KANK1: variants seen among roughly 807,000 people sequenced by gnomAD.
KANK1 encodes the protein KN motif and ankyrin repeat domain-containing protein 1.
A neutral mutation model predicts 106.2 loss-of-function variants in KANK1; 109 were observed. That is an observed-to-expected ratio of 1.03 (90% CI 0.88 to 1.20). The LOEUF is 1.20. Ranked by LOEUF, KANK1 falls within the 50% of genes most tolerant of loss-of-function variation. KANK1 has a pLI of 0.00. For synonymous variants in KANK1, 873 were observed against 652.2 expected (o/e 1.34, Z -5.16); for missense variants, 2,399 against 1,710.7 (o/e 1.40, Z -7.10).
chr9:692,289 C>G (rs545565325), intron 2 of KANK1, among the ~76,000 whole-genome samples: 1 of 152,308 alleles, frequency 6.6e-6, no homozygotes, highest in East Asian at 1.9e-4. Flanking sequence ...CACATACTTT[C>G]CTGTGTGAAG....
intron 1 of KANK1, among the ~76,000 whole-genome samples, chr9:572,501 G>A (rs577127800): frequency 2.6e-5 from 4 of 151,930 alleles, no homozygotes; most frequent in African/African-American, 7.2e-5. Flanking sequence ...GCAGTGAGCC[G>A]AGATCGCTCC....
chr9:676,844 A>G, intron 1 of KANK1, 46 bp from the exon 2 acceptor site: 1 of 713,214 alleles, frequency 1.4e-6, no homozygotes, highest in South Asian at 1.7e-5. Flanking sequence ...TAGTTTGTAC[A>G]TTTTTTAAAT....
intron 3 of KANK1, among the ~76,000 whole-genome samples, chr9:720,357 TTTG>T (rs1308528723): frequency 1.3e-5 from 2 of 152,214 alleles, no homozygotes; most frequent in Non-Finnish European, 2.9e-5. Flanking sequence ...GTCGTTTTGT[TTTG>T]TTGAGACAAG....
At chr9:668,390 C>T (rs1314565216) in intron 1 of KANK1, among the ~76,000 whole-genome samples, 2 of 151,922 alleles carry the variant, frequency 1.3e-5, no homozygotes, top group Non-Finnish European at 2.9e-5. Flanking sequence ...GCTTTATATA[C>T]TTGGGAGCTG....
At chr9:717,430 CAT>C (rs1373292444) in intron 3 of KANK1, among the ~76,000 whole-genome samples, 1 of 152,178 alleles carries the variant, frequency 6.6e-6, no homozygotes, top group Non-Finnish European at 1.5e-5. Context: ...ATTTTAGAAA[CAT>C]ATATTTTTGT....
Position 711,048 on chromosome 9 carries a change from C to T in KANK1, c.282C>T (p.Ser94=), listed in dbSNP as rs776089575. Residue 94 remains serine, a synonymous_variant, in exon 3 of 12, where the codon TCC becomes TCT. Transcript: ENST00000382297. ...GGACTTCCACTGAATCCCTCTCATC[C>T]TCCAACAGTGATGACAACAAGCAGT... is the stretch of plus-strand genomic sequence containing the variant. ...GIWTSTESLS[S]SNSDDNKQCP... is the part of the protein sequence containing the mutation. 6.2e-7 allele frequency: 1 copy of T among 1,614,182 alleles called. No homozygotes were observed. The highest frequency in any genetic ancestry group is 1.7e-5 in the Admixed American group (1 of 60,008).
intron 1 of KANK1, among the ~76,000 whole-genome samples, chr9:530,932 G>C (rs1407383640): frequency 6.6e-6 from 1 of 151,994 alleles, no homozygotes; most frequent in African/African-American, 2.4e-5. Context: ...CTCCATCGTG[G>C]GTGACAGAGT....
intron 9 of KANK1, among the ~76,000 whole-genome samples, chr9:741,769 G>T (rs550159354): frequency 6.6e-6 from 1 of 152,044 alleles, no homozygotes; most frequent in African/African-American, 2.4e-5. Context: ...TTACAGGCGT[G>T]AGCTACTGCG....
chr9:519,128 G>T (rs1350178480), intron 1 of KANK1, among the ~76,000 whole-genome samples: 2 of 151,616 alleles, frequency 1.3e-5, no homozygotes, highest in Non-Finnish European at 2.9e-5. Flanking sequence ...AACCTCAGGT[G>T]ATCTGCCTGC....
At chr9:674,735 G>A (rs532448213) in intron 1 of KANK1, among the ~76,000 whole-genome samples, 75 of 152,256 alleles carry the variant, frequency 4.9e-4, no homozygotes, top group Middle Eastern at 3.4e-3. Context: ...AGACAGTCTC[G>A]TTCTGTCGCC....
chr9:507,754 C>G (rs2058831279), intron 1 of KANK1, among the ~76,000 whole-genome samples: 1 of 152,076 alleles, frequency 6.6e-6, no homozygotes, highest in Non-Finnish European at 1.5e-5. Context: ...GACAGGGTTT[C>G]ACTATGTTGG....
chr9:555,698 G>T (rs928676523), intron 1 of KANK1, among the ~76,000 whole-genome samples: 1 of 152,148 alleles, frequency 6.6e-6, no homozygotes, highest in African/African-American at 2.4e-5. Flanking sequence ...AATTCCTTTA[G>T]ATTTGATGTG....
intron 1 of KANK1, among the ~76,000 whole-genome samples, chr9:616,787 T>A (rs1220891617): frequency 6.6e-6 from 1 of 152,314 alleles, no homozygotes; most frequent in South Asian, 2.1e-4. Context: ...CCTCTGCTTA[T>A]GTCGCTGCTG....
At position 475,806 on chromosome 9, in the gene KANK1, C is replaced by T. The variant is rs537257662; in HGVS notation, c.-362+2533C>T. Among the ~76,000 whole-genome samples, 6 of 152,242 alleles carry T rather than the reference C, an allele frequency of 3.9e-5. No homozygotes were observed. The South Asian group carries it at 6.2e-4, about 16-fold the overall frequency. On this transcript the variant is annotated intron_variant, in intron 3 of 15. Transcript: ENST00000382303. Reference sequence around the variant, plus strand: ...TAGCTAGATATTTTTCTTCCAGGCGCTCCCATCTGAAGAGATTAAGAGTCT... The same window carrying T: ...TAGCTAGATATTTTTCTTCCAGGCGTTCCCATCTGAAGAGATTAAGAGTCT...
intron 3 of KANK1, among the ~76,000 whole-genome samples, chr9:714,479 C>T (rs10481606): frequency 0.5 from 75,921 of 150,726 alleles, 19,821 homozygotes; most frequent in African/African-American, 0.64. Flanking sequence ...TGTGTCTCAA[C>T]CTCCTGAGTA....
At chr9:589,939 G>A (rs1824429565) in intron 1 of KANK1, among the ~76,000 whole-genome samples, 1 of 152,156 alleles carries the variant, frequency 6.6e-6, no homozygotes, top group Admixed American at 6.5e-5. Flanking sequence ...GAACCCCTTA[G>A]GCATGCTGAG....
intron 6 of KANK1, chr9:733,334 C>T (rs1832824357): frequency 6.6e-6 from 1 of 152,168 alleles, no homozygotes. Flanking sequence ...TTTAATTTGG[C>T]AAATGAAAGT....
At chr9:744,898 T>G in intron 11 of KANK1, 1 of 1,416,098 alleles carries the variant, frequency 7.1e-7, no homozygotes, top group South Asian at 1.5e-5. Flanking sequence ...TCGCCATGGT[T>G]CTGGCATTGT....
At position 690,772 on chromosome 9, in the gene KANK1, G is replaced by A. The variant is rs555547658; in HGVS notation, c.37+13763G>A. Among the ~76,000 whole-genome samples, 4 of 152,266 alleles carry A rather than the reference G, an allele frequency of 2.6e-5. 1 individual carries two copies. The East Asian group carries it at 5.8e-4, about 22-fold the overall frequency. ...AATCCTGTTAAGTGTAAGAACTGAA[G>A]GTTCAGGTTGAAGTCTCAAAGTTCC... is the stretch of plus-strand genomic sequence containing the variant. On this transcript the variant is annotated intron_variant, in intron 2 of 11. Coordinates refer to ENST00000382297, the MANE Select transcript of KANK1 (RefSeq NM_015158.5).
Sources: allele counts gnomAD v4.1 joint callset (sites outside exome capture counted in the v4.1 genomes callset), GRCh38; gene constraint gnomAD v4.1.1; transcripts MANE v1.5; gene names NCBI Gene and HGNC (gene_info 2026-07-23, HGNC 2026-07-21).